Variants in TRPC4 observed in about 807,000 individuals in gnomAD.
The protein encoded by TRPC4 is transient receptor potential cation channel subfamily C member 4, also known as short transient receptor potential channel 4.
A neutral mutation model predicts 99.4 loss-of-function variants in TRPC4; 49 were observed. That is an observed-to-expected ratio of 0.49 (90% CI 0.39 to 0.63). The LOEUF (loss-of-function observed/expected upper bound fraction) is 0.63. Ranked by LOEUF, TRPC4 falls within the 20% of genes least tolerant of loss-of-function variation. The pLI is 0.00. For missense variants in TRPC4, 898 were observed against 1,152.9 expected, an observed-to-expected ratio of 0.78 and a Z score of 3.20; for synonymous variants, 454 against 425.9, an observed-to-expected ratio of 1.07 and a Z score of -0.81.
chr13:37,856,357 T>C (rs1220507051), intron 1 of TRPC4, among the ~76,000 whole-genome samples: 1 of 135,906 alleles, frequency 7.4e-6, no homozygotes, highest in Non-Finnish European at 1.6e-5. Flanking sequence ...TAATAAGTAA[T>C]GAGATCAAAG....
At chr13:37,829,460 G>T (rs1417710339) in intron 1 of TRPC4, among the ~76,000 whole-genome samples, 1 of 152,028 alleles carries the variant, frequency 6.6e-6, no homozygotes, top group Admixed American at 6.6e-5. Flanking sequence ...AAAACAAAAA[G>T]AAAACAACCC....
Position 37,655,201 on chromosome 13 carries a change from C to T in TRPC4, c.1771G>A (p.Glu591Lys). 6.2e-7 allele frequency: 1 copy of T among 1,609,562 alleles called. No individual in the cohort carries two copies. The highest frequency in any genetic ancestry group is 8.5e-7 in the Non-Finnish European group (1 of 1,177,490). Residue 591 changes from glutamate to lysine, a missense_variant, in exon 7 of 11, where the codon GAA becomes AAA. Glu to Lys is a moderately conservative substitution (Grantham distance 56, BLOSUM62 1). Around this residue, in one of 3 missense-constraint regions of TRPC4, gnomAD observed 274 missense variants for 454.9 expected, o/e 0.60. Transcript: ENST00000379705. ...LYVTNVKAQH[E>K]FTEFVGATMF... ...GTGGCACCAACAAACTCAGTAAATT[C>T]ATGCTGTGCTTTGACATTGGTCACA...
chr13:37,845,769 A>T (rs1247968690), intron 1 of TRPC4, among the ~76,000 whole-genome samples: 1 of 152,194 alleles, frequency 6.6e-6, no homozygotes, highest in Non-Finnish European at 1.5e-5. Context: ...TAATAGCTAA[A>T]AATATCCCAA....
intron 1 of TRPC4, among the ~76,000 whole-genome samples, chr13:37,850,489 A>G (rs1959027074): frequency 1.3e-5 from 2 of 152,226 alleles, no homozygotes; most frequent in South Asian, 4.1e-4. Context: ...TGACAATAAA[A>G]AAGCACTGGC....
chr13:37,671,223 C>T (rs899939387), intron 5 of TRPC4, among the ~76,000 whole-genome samples: 1 of 152,090 alleles, frequency 6.6e-6, no homozygotes, highest in Admixed American at 6.5e-5. Flanking sequence ...AAATTACCTA[C>T]CTGCTCTTAA....
chr13:37,729,140 C>G (rs1955162472), intron 3 of TRPC4, among the ~76,000 whole-genome samples: 1 of 152,020 alleles, frequency 6.6e-6, no homozygotes. Flanking sequence ...ACACCAAACA[C>G]ACAGGTGAAA....
intron 3 of TRPC4, among the ~76,000 whole-genome samples, chr13:37,742,395 T>C (rs1257474401): frequency 6.6e-6 from 1 of 152,192 alleles, no homozygotes; most frequent in Non-Finnish European, 1.5e-5. Flanking sequence ...CATCTGTGAC[T>C]TCATTCAGGT....
At chr13:37,795,588 A>G (rs973460323) in intron 1 of TRPC4, among the ~76,000 whole-genome samples, 2 of 152,176 alleles carry the variant, frequency 1.3e-5, no homozygotes, top group African/African-American at 4.8e-5. Context: ...ATGACTATAC[A>G]GAAGCAAGGA....
intron 1 of TRPC4, among the ~76,000 whole-genome samples, chr13:37,865,086 T>A (rs1468712467): frequency 6.6e-6 from 1 of 151,752 alleles, no homozygotes; most frequent in Admixed American, 6.6e-5. Flanking sequence ...TTGGACACAA[T>A]CCTGTCAGCG....
chr13:37,866,685 A>G (rs1959766869), intron 1 of TRPC4, among the ~76,000 whole-genome samples: 1 of 151,844 alleles, frequency 6.6e-6, no homozygotes, highest in African/African-American at 2.4e-5. Context: ...AATATTCTCA[A>G]ATCTCTTAAA....
chr13:37,706,664 T>C (rs1398182979), intron 3 of TRPC4, among the ~76,000 whole-genome samples: 1 of 150,004 alleles, frequency 6.7e-6, no homozygotes, highest in Non-Finnish European at 1.5e-5. Context: ...GTGTGCGATG[T>C]TCCCCTTCCT....
chr13:37,649,624 C>G (rs1951956810), intron 8 of TRPC4, among the ~76,000 whole-genome samples: 1 of 150,724 alleles, frequency 6.6e-6, no homozygotes, highest in African/African-American at 2.4e-5. Context: ...GTCCCAGCTA[C>G]TCGGGAGGCT....
chr13:37,799,404 T>A (rs1270974242), intron 1 of TRPC4, among the ~76,000 whole-genome samples: 1 of 152,182 alleles, frequency 6.6e-6, no homozygotes, highest in African/African-American at 2.4e-5. Flanking sequence ...TCTTCTTTTG[T>A]CAAATTCTAG....
intron 1 of TRPC4, among the ~76,000 whole-genome samples, chr13:37,857,720 TA>T (rs1472157919): frequency 6.6e-6 from 1 of 151,628 alleles, no homozygotes; most frequent in African/African-American, 2.4e-5. Flanking sequence ...ATATGCAGAA[TA>T]ATGAAACTAG....
At chr13:37,836,227 G>A (rs994434551) in intron 1 of TRPC4, among the ~76,000 whole-genome samples, 2 of 151,984 alleles carry the variant, frequency 1.3e-5, no homozygotes, top group Admixed American at 1.3e-4. Flanking sequence ...GCCCAGTCTC[G>A]GGTATATTTT....
intron 3 of TRPC4, among the ~76,000 whole-genome samples, chr13:37,727,924 T>A (rs1015995139): frequency 5.3e-5 from 8 of 152,096 alleles, no homozygotes; most frequent in Admixed American, 5.2e-4. Flanking sequence ...CTATATTAAC[T>A]GAATGAATTT....
At chr13:37,652,788 C>G (rs148435574) in intron 7 of TRPC4, among the ~76,000 whole-genome samples, 3 of 1,464 alleles carry the variant, frequency 2.0e-3, no homozygotes, top group South Asian at 0.036. Flanking sequence ...CTGTGGATAG[C>G]TCCTTCTGAT....
At chr13:37,800,016 G>T (rs1192935245) in intron 1 of TRPC4, among the ~76,000 whole-genome samples, 1 of 152,120 alleles carries the variant, frequency 6.6e-6, no homozygotes, top group African/African-American at 2.4e-5. Context: ...TATCTACAAA[G>T]TGGCTAATAT....
chr13:37,778,649 T>G (rs779663100), intron 2 of TRPC4, among the ~76,000 whole-genome samples: 1 of 151,982 alleles, frequency 6.6e-6, no homozygotes, highest in Non-Finnish European at 1.5e-5. Context: ...AGTAGAACTT[T>G]AAAACCAAAA....
Sources: gnomAD v4.1 joint callset for allele counts (sites outside exome capture counted in the v4.1 genomes callset) on GRCh38, gnomAD v4.1.1 for gene constraint, gnomAD v4.1.1 regional missense constraint, MANE v1.5 for transcripts, NCBI Gene and HGNC (gene_info 2026-07-23, HGNC 2026-07-21) for gene names.